The following DGKA variants were observed in gnomAD, a reference collection of about 807,000 sequenced individuals.
DGKA encodes 80 kDa diacylglycerol kinase.
DGKA carries 35 observed loss-of-function variants against 105.0 expected under a neutral mutation model. That is an observed-to-expected ratio of 0.33 (90% confidence interval 0.25 to 0.44). DGKA has a LOEUF of 0.44. DGKA is among the 20% of genes least tolerant of loss of function. The probability of loss-of-function intolerance (pLI) is 1.00; values close to 1 mark genes in which losing one functional copy is unlikely to be tolerated. For synonymous variants in DGKA, 296 were observed against 332.0 expected, an observed-to-expected ratio of 0.89 and a Z score of 1.18; for missense variants, 665 against 915.0, an observed-to-expected ratio of 0.73 and a Z score of 3.53.
chr12:55,927,786 TGGGCGGGC>T, upstream of DGKA: 1 of 1,537,046 alleles, frequency 6.5e-7, no homozygotes, highest in Non-Finnish European at 8.7e-7. Flanking sequence ...CGGACCAGGT[TGGGCGGGC>T]GGCCCTGGCC....
intron 17 of DGKA, among the ~76,000 whole-genome samples, chr12:55,950,963 T>C (rs1361436967): frequency 6.6e-6 from 1 of 152,200 alleles, no homozygotes; most frequent in Non-Finnish European, 1.5e-5. Context: ...TGTTTTCTTC[T>C]AGTACAAATT....
At chr12:55,938,079 G>T (rs777557746) in intron 5 of DGKA, 27 bp downstream of exon 5, 1 of 1,598,056 alleles carries the variant, frequency 6.3e-7, no homozygotes, top group Non-Finnish European at 8.6e-7. Flanking sequence ...AAGTGAGGTG[G>T]CAGGGCAGTG....
At chr12:55,936,652 G>A (rs1388527305) in intron 2 of DGKA, 85 bp downstream of exon 2, 2 of 1,580,976 alleles carry the variant, frequency 1.3e-6, no homozygotes, top group Non-Finnish European at 1.7e-6. Context: ...CTGCCCCCCA[G>A]CTTCCTCAGT....
At chr12:55,930,413 C>G (rs1376587875), upstream of DGKA, 1 of 123,092 alleles carries the variant, frequency 8.1e-6, no homozygotes, top group African/African-American at 3.0e-5. Flanking sequence ...GTCACCCAGG[C>G]TGGAGTGCAG....
At chr12:55,953,194 G>A (rs1488305682) in intron 22 of DGKA, 34 bp downstream of exon 22, 4 of 1,613,872 alleles carry the variant, frequency 2.5e-6, no homozygotes, top group Non-Finnish European at 3.4e-6. Flanking sequence ...CCTGAGGGAA[G>A]GTGTGGGGCT....
intron 17 of DGKA, among the ~76,000 whole-genome samples, chr12:55,944,875 CT>C (rs1450593570): frequency 6.6e-6 from 1 of 152,146 alleles, no homozygotes; most frequent in Non-Finnish European, 1.5e-5. Context: ...TCTCAGCTCA[CT>C]GCAACTTCTA....
chr12:55,937,792 G>A (rs1269275274), intron 4 of DGKA, among the ~76,000 whole-genome samples, 186 bp from the exon 5 acceptor site: 1 of 152,078 alleles, frequency 6.6e-6, no homozygotes, highest in Non-Finnish European at 1.5e-5. Flanking sequence ...GAGGCCAGGA[G>A]TTCAAGGTGC....
intron 17 of DGKA, 98 bp from the exon 18 acceptor site, chr12:55,951,525 C>A: frequency 7.4e-7 from 1 of 1,344,248 alleles, no homozygotes; most frequent in Non-Finnish European, 1.0e-6. Flanking sequence ...TCTGTAGAAA[C>A]AGGGCAGAAG....
intron 2 of DGKA, 127 bp downstream of exon 2, chr12:55,936,694 C>T (rs1183582439): frequency 7.5e-7 from 1 of 1,341,542 alleles, no homozygotes; most frequent in African/African-American, 1.4e-5. Flanking sequence ...CAGATGTGCC[C>T]ATGACTGGAA....
intron 17 of DGKA, 31 bp downstream of exon 17, chr12:55,942,294 C>T: frequency 6.2e-7 from 1 of 1,604,232 alleles, no homozygotes; most frequent in Non-Finnish European, 8.5e-7. Context: ...TTGCTGTAGG[C>T]TGAGAGGAGT....
At position 55,940,767 on chromosome 12, in the gene DGKA, C is replaced by T. The variant is rs775738726; in HGVS notation, c.1017+45C>T. The T allele has an allele frequency of 3.7e-6, 6 of 1,605,948 alleles. No homozygotes were observed. The highest frequency in any genetic ancestry group is 2.7e-5 in the African/African-American group (2 of 74,734). ...CGGGGAGGGGACAGGAGTGCCTCCC[C>T]GATTTCCCACACGCACAGAGTGGCA... is the stretch of plus-strand genomic sequence containing the variant. On this transcript the variant is annotated intron_variant, in intron 12 of 23. Transcript: ENST00000331886. The surrounding 1 kb of genome is among the most constrained non-coding windows in gnomAD (Gnocchi z 4.3).
chr12:55,945,793 A>ATT (rs34210000), intron 17 of DGKA, among the ~76,000 whole-genome samples: 18 of 140,672 alleles, frequency 1.3e-4, no homozygotes, highest in Middle Eastern at 3.6e-3. Flanking sequence ...CAAAATCCTC[A>ATT]TTTTTTTTTT....
At chr12:55,927,366 G>C, upstream of DGKA, 2 of 721,830 alleles carry the variant, frequency 2.8e-6, no homozygotes. Context: ...GGAGCCAAGA[G>C]AAGTTCCGAG....
chr12:55,952,053 C>T lies in DGKA; in HGVS notation c.1606C>T (p.Arg536Ter), dbSNP rs760208861. 6.2e-7 allele frequency: 1 copy of T among 1,614,010 alleles called. No individual in the cohort carries two copies. Among genetic ancestry groups the T allele is most frequent in the South Asian group, 1.1e-5 (1 of 91,078 alleles). ...TCTCCAGGATGCCTCTATTGCTCATCGATTCCACATCATGCGAGAGAAATA... is the reference window on the plus strand; with the variant it reads ...TCTCCAGGATGCCTCTATTGCTCATTGATTCCACATCATGCGAGAGAAATA... ...SIGVDASIAH[R>*]FHIMREKYPE... Residue 536 changes from arginine (R) to a stop codon, truncating the protein, a stop_gained, in exon 19 of 24, where the codon CGA (arginine) becomes TGA (stop). Coordinates refer to ENST00000331886, the MANE Select transcript of DGKA (RefSeq NM_001345.5). LOFTEE classifies it high-confidence loss of function. The surrounding 1 kb of genome is among the most constrained non-coding windows in gnomAD (Gnocchi z 5.1).
Position 55,952,319 on chromosome 12 carries a change from C to T in DGKA, c.1653-22C>T. Reference sequence around the variant, plus strand: ...GTGTAACCTGTCCCTCCCTACTGGGCCTTGTGTTGGGGCTGACACAGAATG... The same window carrying T: ...GTGTAACCTGTCCCTCCCTACTGGGTCTTGTGTTGGGGCTGACACAGAATG... On this transcript the variant is annotated intron_variant, in intron 19 of 23. Transcript: ENST00000331886. The surrounding 1 kb of genome is among the most constrained non-coding windows in gnomAD (Gnocchi z 5.1). The T allele has an allele frequency of 6.2e-7, 1 of 1,612,146 alleles. No individual in the cohort carries two copies. The highest frequency in any genetic ancestry group is 2.2e-5 in the East Asian group (1 of 44,872).
Position 55,941,409 on chromosome 12 carries a change from C to T in DGKA, c.1175+84C>T, listed in dbSNP as rs115744086. 3.1e-4 allele frequency: 488 copies of T among 1,581,406 alleles called. 2 individuals carry two copies. The African/African-American group carries it at 6.0e-3, about 20-fold the overall frequency. On this transcript the variant is annotated intron_variant, in intron 14 of 23. Transcript: ENST00000331886. ...AGAAGGTGGAAGGGGATGTGTGTGT[C>T]TGGAGGGGCATACCTTGAGGAACAC...
intron 17 of DGKA, chr12:55,942,620 G>A (rs1405199593): frequency 3.6e-6 from 1 of 275,596 alleles, no homozygotes; most frequent in East Asian, 8.0e-5. Flanking sequence ...GAGCTAGCAG[G>A]TCATGACTCA....
intron 1 of DGKA, 152 bp from the exon 2 acceptor site, chr12:55,936,271 G>A (rs1407322648): frequency 2.3e-6 from 2 of 860,334 alleles, no homozygotes; most frequent in Non-Finnish European, 3.3e-6. Context: ...AGGGAAGAGG[G>A]ACACAGGGAA....
At chr12:55,935,344 G>C (rs1054006318) in intron 1 of DGKA, 6 of 152,192 alleles carry the variant, frequency 3.9e-5, no homozygotes, top group Admixed American at 2.6e-4. Flanking sequence ...TCAGAGCTAA[G>C]AATGGGACCC....
Sources: allele counts gnomAD v4.1 joint callset (sites outside exome capture counted in the v4.1 genomes callset), GRCh38; gene constraint gnomAD v4.1.1; non-coding constraint Gnocchi (gnomAD v3.1); transcripts MANE v1.5; gene names NCBI Gene and HGNC (gene_info 2026-07-23, HGNC 2026-07-21).